RAP1GDS1: variants seen among roughly 807,000 people sequenced by gnomAD.
RAP1GDS1 encodes the protein Rap1 GTPase-GDP dissociation stimulator 1.
In RAP1GDS1, 35 loss-of-function variants were observed where a neutral mutation model predicts 71.1. The observed-to-expected ratio is 0.49, with a 90% CI of 0.38 to 0.65. The LOEUF (loss-of-function observed/expected upper bound fraction) is 0.65, where lower values mean the gene tolerates loss of function less well. Among genes scored for constraint, RAP1GDS1 ranks in the 30% least tolerant of loss-of-function variants. The pLI, the probability that RAP1GDS1 is intolerant of heterozygous loss-of-function variation, is 0.00. For missense variants in RAP1GDS1, 663 were observed against 706.1 expected, an observed-to-expected ratio of 0.94 and a Z score of 0.69; for synonymous variants, 229 against 243.1, an observed-to-expected ratio of 0.94 and a Z score of 0.54.
intron 1 of RAP1GDS1, among the ~76,000 whole-genome samples, chr4:98,271,043 T>G (rs774614746): frequency 5.3e-5 from 8 of 152,188 alleles, no homozygotes; most frequent in South Asian, 2.1e-4. Flanking sequence ...TTGGTAAGGC[T>G]TCTGGTCAGC....
intron 3 of RAP1GDS1, among the ~76,000 whole-genome samples, chr4:98,343,644 T>C (rs1237073253): frequency 6.6e-6 from 1 of 152,216 alleles, no homozygotes; most frequent in Non-Finnish European, 1.5e-5. Flanking sequence ...TCACTGTTCT[T>C]TTTTAGTTTG....
chr4:98,349,688 T>C (rs1476200697), intron 3 of RAP1GDS1, among the ~76,000 whole-genome samples: 1 of 152,220 alleles, frequency 6.6e-6, no homozygotes, highest in African/African-American at 2.4e-5. Context: ...TTCACATCCC[T>C]TGTAAGTTGG....
rs539956790 is a variant in RAP1GDS1 at position 98,295,699 on chromosome 4, T to C, written c.112+2184T>C. On this transcript the variant is annotated intron_variant, in intron 2 of 14. Coordinates refer to ENST00000408927, the MANE Select transcript of RAP1GDS1 (RefSeq NM_001100427.2). ...AGTGAAGCTTTTTGCTGAGTTCATG[T>C]AATGTGAAATCATTCCAAGAAGCTA... Among the ~76,000 whole-genome samples the C allele has an allele frequency of 2.6e-5, 4 of 152,252 alleles. No homozygotes were observed. The East Asian group carries it at 7.7e-4, about 29-fold the overall frequency.
intron 1 of RAP1GDS1, 200 bp downstream of exon 1, chr4:98,261,769 T>A: frequency 1.8e-6 from 1 of 550,962 alleles, no homozygotes; most frequent in Non-Finnish European, 2.7e-6. Flanking sequence ...GAGCGCGGGC[T>A]GGGGTGGGGT....
In RAP1GDS1 at chr4:98,417,437, A is replaced by G; in HGVS notation, c.978A>G (p.Pro326=). The change falls in exon 9 of 15, where the codon CCA becomes CCG. Residue 326 remains proline (P), a synonymous_variant. Coordinates refer to ENST00000408927, the MANE Select transcript of RAP1GDS1 (RefSeq NM_001100427.2). ...SVFQRVLSWI[P]SNNHQLQLAG... ...TTCAAAGGGTACTCTCTTGGATCCC[A>G]TCAAATAACCACCAGCTACAGCTTG... 1 of 1,613,870 alleles carries G rather than the reference A, an allele frequency of 6.2e-7. No individual in the cohort carries two copies. The highest frequency in any genetic ancestry group is 8.5e-7 in the Non-Finnish European group (1 of 1,179,818).
intron 1 of RAP1GDS1, among the ~76,000 whole-genome samples, chr4:98,291,322 AATTTT>A (rs1399733779): frequency 6.6e-6 from 1 of 152,142 alleles, no homozygotes; most frequent in Non-Finnish European, 1.5e-5. Context: ...TTTAAGAAAA[AATTTT>A]ATTTTATTTG....
At chr4:98,417,032 A>G (rs1342824374) in intron 8 of RAP1GDS1, 144 bp downstream of exon 8, 23 of 950,846 alleles carry the variant, frequency 2.4e-5, no homozygotes, top group Admixed American at 1.5e-4. Flanking sequence ...CATCTTAAAC[A>G]TGCCATTGAT....
At chr4:98,397,443 C>T (rs1035222532) in intron 6 of RAP1GDS1, among the ~76,000 whole-genome samples, 12 of 151,850 alleles carry the variant, frequency 7.9e-5, no homozygotes, top group Non-Finnish European at 5.9e-5. Flanking sequence ...GACCAGCCTG[C>T]GTAACATAGT....
intron 2 of RAP1GDS1, among the ~76,000 whole-genome samples, chr4:98,299,018 A>T (rs955449948): frequency 6.6e-6 from 1 of 152,132 alleles, no homozygotes; most frequent in African/African-American, 2.4e-5. Context: ...TTAACTTGTC[A>T]TTTACATTAG....
chr4:98,277,532 ATAT>A lies in RAP1GDS1; in HGVS notation c.5-15871_5-15869del, dbSNP rs1441927398. Among the ~76,000 whole-genome samples, 28 of 152,152 alleles carry A rather than the reference ATAT, an allele frequency of 1.8e-4. 1 individual carries two copies. The highest frequency in any genetic ancestry group is 1.8e-3 in the Admixed American group (28 of 15,260). The stretch of plus-strand genomic sequence containing the variant: ...CCAGTATATCTTTGATTCTGTTATT[ATAT>A]TATTTCTTCTAGAATAGCCTGTTTT... On this transcript the variant is annotated intron_variant, in intron 1 of 14. Coordinates refer to ENST00000408927, the MANE Select transcript of RAP1GDS1 (RefSeq NM_001100427.2).
At chr4:98,422,454 G>A (rs1265539152) in intron 12 of RAP1GDS1, among the ~76,000 whole-genome samples, 1 of 151,948 alleles carries the variant, frequency 6.6e-6, no homozygotes, top group Non-Finnish European at 1.5e-5. Flanking sequence ...CTGACCTCAT[G>A]ATCCTCCCAC....
At chr4:98,375,822 G>A (rs148430518) in intron 4 of RAP1GDS1, among the ~76,000 whole-genome samples, 13 of 152,126 alleles carry the variant, frequency 8.5e-5, no homozygotes, top group African/African-American at 1.4e-4. Flanking sequence ...AGGAGGAAAC[G>A]TAGTAAAATC....
At chr4:98,292,665 T>A (rs1262415679) in intron 1 of RAP1GDS1, among the ~76,000 whole-genome samples, 1 of 152,184 alleles carries the variant, frequency 6.6e-6, no homozygotes, top group East Asian at 1.9e-4. Context: ...TGCAGTAGGT[T>A]TATAATTGTT....
At chr4:98,391,683 A>G (rs1345403076) in intron 5 of RAP1GDS1, among the ~76,000 whole-genome samples, 4 of 152,132 alleles carry the variant, frequency 2.6e-5, no homozygotes, top group Non-Finnish European at 5.9e-5. Context: ...ATAAGACCCC[A>G]TTTAGAAAAC....
In RAP1GDS1 at chr4:98,369,627, A is replaced by G. The variant is rs867378369; in HGVS notation, c.362-9390A>G. On this transcript the variant is annotated intron_variant, in intron 4 of 14. Coordinates refer to ENST00000408927, the MANE Select transcript of RAP1GDS1 (RefSeq NM_001100427.2). ...AAAAGAATACTTACTGCATGAAGCC[A>G]TTTCTATAAAATGCAAAGTAATCTA... 5.3e-5 allele frequency among the ~76,000 whole-genome samples: 8 copies of G among 152,350 alleles called. No homozygotes were observed. The South Asian group carries it at 1.7e-3, about 32-fold the overall frequency.
chr4:98,430,676 C>G (rs1447959424), intron 12 of RAP1GDS1, among the ~76,000 whole-genome samples: 2 of 152,162 alleles, frequency 1.3e-5, no homozygotes, highest in African/African-American at 4.8e-5. Flanking sequence ...CAGGTGGCAT[C>G]TGTTATTACA....
At chr4:98,392,412 C>T (rs950088309) in intron 6 of RAP1GDS1, among the ~76,000 whole-genome samples, 2 of 152,156 alleles carry the variant, frequency 1.3e-5, no homozygotes, top group Non-Finnish European at 1.5e-5. Flanking sequence ...TGTATGTCCA[C>T]GGGTAAAAAT....
intron 4 of RAP1GDS1, among the ~76,000 whole-genome samples, chr4:98,353,125 T>C (rs1560888899): frequency 6.6e-6 from 1 of 152,212 alleles, no homozygotes; most frequent in Non-Finnish European, 1.5e-5. Flanking sequence ...TTCTATAATA[T>C]ACTGTTCTAC....
At chr4:98,427,739 A>G (rs923346781) in intron 12 of RAP1GDS1, among the ~76,000 whole-genome samples, 11 of 152,318 alleles carry the variant, frequency 7.2e-5, no homozygotes, top group African/African-American at 2.4e-4. Flanking sequence ...AACACATCCA[A>G]TGCTCACCGA....
Sources: allele counts gnomAD v4.1 joint callset (sites outside exome capture counted in the v4.1 genomes callset), GRCh38; gene constraint gnomAD v4.1.1; transcripts MANE v1.5; gene names NCBI Gene and HGNC (gene_info 2026-07-23, HGNC 2026-07-21).